Variants in GAS2 observed in about 807,000 individuals in gnomAD.
The protein encoded by GAS2 is growth arrest-specific protein 2.
GAS2 carries 20 observed loss-of-function variants against 37.5 expected under a neutral mutation model. The ratio of observed to expected loss-of-function variants is 0.53; its 90% CI spans 0.37 to 0.77. The LOEUF is 0.77. Among genes scored for constraint, GAS2 ranks in the 30% least tolerant of loss-of-function variants. GAS2 has a pLI of 0.00. For missense variants in GAS2, 336 were observed against 373.4 expected, an observed-to-expected ratio of 0.90 and a Z score of 0.82; for synonymous variants, 144 against 132.2, an observed-to-expected ratio of 1.09 and a Z score of -0.61.
At chr11:22,790,830 A>G (rs958434060) in intron 7 of GAS2, among the ~76,000 whole-genome samples, 1 of 151,984 alleles carries the variant, frequency 6.6e-6, no homozygotes, top group East Asian at 1.9e-4. Context: ...AAATATAGAT[A>G]GATAATATAG....
At chr11:22,698,512 C>T (rs546978346) in intron 3 of GAS2, among the ~76,000 whole-genome samples, 1 of 151,948 alleles carries the variant, frequency 6.6e-6, no homozygotes, top group East Asian at 1.9e-4. Flanking sequence ...CTCCCTAACT[C>T]ATTTTATGAG....
rs147475135 is a variant in GAS2, at chr11:22,800,411, G to A, written c.724-11387G>A. On this transcript the variant is annotated intron_variant, in intron 7 of 7. Transcript: ENST00000454584. ...GTGAGCTGTAGCTAAGAATGTCTGA[G>A]AAACACTAGACAATGGAGAGCCCTC... 3.4e-3 allele frequency among the ~76,000 whole-genome samples: 525 copies of A among 152,174 alleles called. 5 individuals carry two copies. The highest frequency in any genetic ancestry group is 0.012 in the African/African-American group (494 of 41,538).
intron 7 of GAS2, among the ~76,000 whole-genome samples, chr11:22,760,457 G>A (rs1260785569): frequency 6.6e-6 from 1 of 152,128 alleles, no homozygotes; most frequent in East Asian, 1.9e-4. Context: ...TACATGTCCT[G>A]AAGTTTGAAA....
chr11:22,724,174 A>C (rs80194714), intron 3 of GAS2, among the ~76,000 whole-genome samples: 2,537 of 152,062 alleles, frequency 0.017, 33 homozygotes, highest in Middle Eastern at 0.034. Flanking sequence ...ATGTGTACAC[A>C]TGTACATACA....
chr11:22,630,657 T>G (rs1858731351), intron 1 of GAS2, among the ~76,000 whole-genome samples: 1 of 152,220 alleles, frequency 6.6e-6, no homozygotes, highest in Admixed American at 6.5e-5. Context: ...AAAGATCAGT[T>G]GATTGTAAGT....
At chr11:22,780,562 A>AAAC (rs1479811985) in intron 7 of GAS2, among the ~76,000 whole-genome samples, 2 of 151,266 alleles carry the variant, frequency 1.3e-5, no homozygotes, top group African/African-American at 4.9e-5. Context: ...TGTCTCAAAA[A>AAAC]AAAAAAAAAA....
rs1315337095 is a variant in GAS2 at position 22,740,118 on chromosome 11, A to G, written c.473+2350A>G. Among the ~76,000 whole-genome samples the G allele has an allele frequency of 3.3e-5, 5 of 152,330 alleles. No individual in the cohort carries two copies. In the East Asian group the frequency reaches 9.6e-4, roughly 29 times the overall value. ...TTTCCTCCAGCTCCGAGTCTGGCATAAATTGCCCCTTGTTACAGGATGTAA... is the reference window on the plus strand; with the variant it reads ...TTTCCTCCAGCTCCGAGTCTGGCATGAATTGCCCCTTGTTACAGGATGTAA... On this transcript the variant is annotated intron_variant, in intron 5 of 7. Coordinates refer to ENST00000454584, the MANE Select transcript of GAS2 (RefSeq NM_001143830.3).
At chr11:22,645,546 ATATATT>A (rs915411861) in intron 1 of GAS2, among the ~76,000 whole-genome samples, 2 of 152,114 alleles carry the variant, frequency 1.3e-5, no homozygotes, top group Non-Finnish European at 2.9e-5. Context: ...TACATATAAA[ATATATT>A]TATATCAGGC....
intron 7 of GAS2, among the ~76,000 whole-genome samples, chr11:22,796,273 A>T (rs932307303): frequency 1.3e-5 from 2 of 152,070 alleles, no homozygotes; most frequent in Non-Finnish European, 2.9e-5. Context: ...TCCTCACCTG[A>T]TGGAGGTACC....
chr11:22,803,521 G>A (rs1036975380), intron 7 of GAS2, among the ~76,000 whole-genome samples: 5 of 152,076 alleles, frequency 3.3e-5, no homozygotes, highest in African/African-American at 1.2e-4. Flanking sequence ...GAATATGTGG[G>A]TATGTTTTAA....
intron 6 of GAS2, among the ~76,000 whole-genome samples, chr11:22,749,798 A>G (rs116807093): frequency 0.012 from 1,821 of 152,132 alleles, 38 homozygotes; most frequent in African/African-American, 0.042. Context: ...TAACTCTTCA[A>G]GGTCGCTCTA....
Position 22,640,002 on chromosome 11 carries a change from G to C in GAS2, c.-21+14189G>C, listed in dbSNP as rs1181304118. Among the ~76,000 whole-genome samples, 3 of 152,106 alleles carry C rather than the reference G, an allele frequency of 2.0e-5. No homozygotes were observed. In the East Asian group the frequency reaches 5.8e-4, roughly 29 times the overall value. ...TTACCACCTGGACATCTATACACTA[G>C]CTAGAATGGGCATACATTGTAATCC... is the stretch of plus-strand genomic sequence containing the variant. On this transcript the variant is annotated intron_variant, in intron 1 of 5. Coordinates refer to the GAS2 transcript ENST00000528582.
intron 2 of GAS2, among the ~76,000 whole-genome samples, chr11:22,676,603 A>G (rs1849439816): frequency 6.6e-6 from 1 of 152,152 alleles, no homozygotes; most frequent in South Asian, 2.1e-4. Context: ...TGTGGCAGTG[A>G]ATGATTAAAA....
chr11:22,635,581 G>A (rs765207275), intron 1 of GAS2, among the ~76,000 whole-genome samples: 10 of 152,162 alleles, frequency 6.6e-5, no homozygotes, highest in Non-Finnish European at 1.2e-4. Flanking sequence ...CCTCCCTGTC[G>A]GCCTGCAGAC....
chr11:22,787,694 G>C (rs987729139), intron 7 of GAS2, among the ~76,000 whole-genome samples: 1 of 152,150 alleles, frequency 6.6e-6, no homozygotes, highest in Admixed American at 6.6e-5. Flanking sequence ...CTTTAGTTCT[G>C]ATAGAATTTA....
intron 3 of GAS2, among the ~76,000 whole-genome samples, chr11:22,722,256 A>C (rs548210965): frequency 3.9e-5 from 6 of 152,070 alleles, no homozygotes; most frequent in Middle Eastern, 3.4e-3. Context: ...TTTGGAATGC[A>C]TAACTGTTCT....
chr11:22,628,737 G>A lies in GAS2; in HGVS notation c.-21+2924G>A, dbSNP rs1361327794. Among the ~76,000 whole-genome samples, 5 of 152,182 alleles carry A rather than the reference G, an allele frequency of 3.3e-5. No homozygotes were observed. The East Asian group carries it at 9.6e-4, about 29-fold the overall frequency. ...AGATTTTAGTTCACCCTCTAACTGA[G>A]TAGTGTACGTTGTACCCAACATGTA... On this transcript the variant is annotated intron_variant, in intron 1 of 5. Transcript: ENST00000528582.
intron 5 of GAS2, among the ~76,000 whole-genome samples, chr11:22,737,996 T>G (rs1852848208): frequency 6.6e-6 from 1 of 152,162 alleles, no homozygotes. Flanking sequence ...GTCTAAGCAT[T>G]TGCTAATAAA....
intron 3 of GAS2, among the ~76,000 whole-genome samples, chr11:22,719,772 C>T (rs115778851): frequency 2.6e-5 from 4 of 152,032 alleles, no homozygotes; most frequent in African/African-American, 9.6e-5. Context: ...AAACTTCCAC[C>T]TTGTGTTTTC....
Sources: gnomAD v4.1 joint callset for allele counts (sites outside exome capture counted in the v4.1 genomes callset) on GRCh38, gnomAD v4.1.1 for gene constraint, MANE v1.5 for transcripts, NCBI Gene and HGNC (gene_info 2026-07-23, HGNC 2026-07-21) for gene names.